Variants in IL11RA observed in about 807,000 individuals in gnomAD.
The protein encoded by IL11RA is interleukin-11 receptor subunit alpha.
In IL11RA, 51 loss-of-function variants were observed where a neutral mutation model predicts 57.0. The observed-to-expected ratio is 0.89, with a 90% CI of 0.71 to 1.13. The LOEUF (loss-of-function observed/expected upper bound fraction) is 1.13, where lower values mean the gene tolerates loss of function less well. Among genes scored for constraint, IL11RA ranks in the 50% most tolerant of loss-of-function variants. The pLI is 0.00. For missense variants in IL11RA, 498 were observed against 539.4 expected (o/e 0.92, Z 0.76); for synonymous variants, 199 against 217.5 (o/e 0.91, Z 0.75).
At position 34,658,369 on chromosome 9, in the gene IL11RA, G is replaced by C; in HGVS notation, c.647-151G>C. The stretch of plus-strand genomic sequence containing the variant: ...AGCCCATTTCATAATACAGATGACC[G>C]GTCTGAGTCTAATGGATGATCAAGT... On this transcript the variant is annotated intron_variant, in intron 7 of 12. Coordinates refer to ENST00000441545, the MANE Select transcript of IL11RA (RefSeq NM_001142784.3). This position sits in a 1 kb window ranked among gnomAD's most constrained non-coding sequence, Gnocchi z 4.0. 1.2e-6 allele frequency: 1 copy of C among 805,188 alleles called. No homozygotes were observed. The highest frequency in any genetic ancestry group is 1.4e-5 in the South Asian group (1 of 69,134). The allele number at this position is 805,188 out of a possible 1,614,324, so 49.9% of individuals were successfully genotyped here.
At chr9:34,656,323 G>T (rs1821342928) in intron 3 of IL11RA, among the ~76,000 whole-genome samples, 1 of 152,186 alleles carries the variant, frequency 6.6e-6, no homozygotes. Context: ...GAGCCACCGT[G>T]CCTGGCCCGT....
intron 9 of IL11RA, 93 bp downstream of exon 9, chr9:34,659,993 C>G (rs1821421904): frequency 5.4e-6 from 8 of 1,486,228 alleles, no homozygotes; most frequent in Non-Finnish European, 4.6e-6. Flanking sequence ...TGGCACATGC[C>G]CTGCCCACAC....
chr9:34,657,317 T>C lies in IL11RA; in HGVS notation c.461T>C (p.Leu154Pro). ...CTCCCCACCAGGAAGAAGACAGTCC[T>C]AGGAGCTGATAGCCAGAGGTAGGAC... ...YLTSYRKKTV[L>P]GADSQRRSPS... The change falls in exon 6 of 13, where the codon CTA becomes CCA. Residue 154 changes from leucine (L) to proline (P), a missense_variant. By Grantham distance (98) the Leu-to-Pro change is moderately conservative. Transcript: ENST00000441545. 6.2e-7 allele frequency: 1 copy of C among 1,614,056 alleles called. No individual in the cohort carries two copies. The highest frequency in any genetic ancestry group is 8.5e-7 in the Non-Finnish European group (1 of 1,179,974).
At chr9:34,660,691 C>T in intron 11 of IL11RA, 91 bp downstream of exon 11, 1 of 1,264,050 alleles carries the variant, frequency 7.9e-7, no homozygotes, top group South Asian at 1.2e-5. Context: ...TCATGACTGC[C>T]CGCTGAACCT....
At chr9:34,654,686 G>A (rs1457509093) in intron 1 of IL11RA, among the ~76,000 whole-genome samples, 1 of 152,192 alleles carries the variant, frequency 6.6e-6, no homozygotes, top group Admixed American at 6.5e-5. Context: ...GCAGGGGTGG[G>A]CCTCAGGGTG....
chr9:34,660,712 G>T, intron 11 of IL11RA, 112 bp downstream of exon 11: 1 of 1,199,376 alleles, frequency 8.3e-7, no homozygotes, highest in South Asian at 1.2e-5. Context: ...GTCTGATTCT[G>T]GAACTACCTC....
chr9:34,655,423 C>T, intron 2 of IL11RA, 106 bp downstream of exon 2: 3 of 866,068 alleles, frequency 3.5e-6, no homozygotes, highest in South Asian at 1.4e-5. Flanking sequence ...CTGCTCCTGT[C>T]ATCCAACCTG....
Position 34,658,445 on chromosome 9 carries a change from CA to C in IL11RA, c.647-74del. 1 of 1,481,340 alleles carries C rather than the reference CA, an allele frequency of 6.8e-7. No individual in the cohort carries two copies. 91.8% of individuals were successfully genotyped at this position (1,481,340 alleles called of 1,614,324 possible). A position where few individuals can be genotyped will look rare whatever the true frequency, so the allele number is the denominator to read the frequency against. ...AGTGTCTGGCTAAGGCTCCTTTAAA[CA>C]CACACTTTGGGAAGTGGTGGGGAAG... is the stretch of plus-strand genomic sequence containing the variant. On this transcript the variant is annotated intron_variant, in intron 7 of 12. Transcript: ENST00000441545. This position sits in a 1 kb window ranked among gnomAD's most constrained non-coding sequence, Gnocchi z 4.0.
intron 2 of IL11RA, 38 bp downstream of exon 2, chr9:34,655,355 C>G: frequency 2.4e-6 from 3 of 1,253,780 alleles, no homozygotes; most frequent in Middle Eastern, 4.0e-4. Context: ...CCAACTCTGA[C>G]TTGTGACTTG....
chr9:34,657,142 T>A lies in IL11RA; in HGVS notation c.439T>A (p.Ser147Thr), dbSNP rs1445011984. Residue 147 changes from serine to threonine, a missense_variant, in exon 5 of 13, where the codon TCC becomes ACC. By Grantham distance (58) the Ser-to-Thr change is moderately conservative. Transcript: ENST00000441545. ...CGGTTTACCCACCCGCTACCTCACC[T>A]CCTACAGGTGTGTGTGTGATTGGGT... is the stretch of plus-strand genomic sequence containing the variant. ...ISGLPTRYLT[S>T]YRKKTVLGAD... 106 of 1,613,294 alleles carry A rather than the reference T, an allele frequency of 6.6e-5. No individual in the cohort carries two copies. Among genetic ancestry groups the A allele is most frequent in the Non-Finnish European group, 9.0e-5 (106 of 1,179,364 alleles).
In IL11RA at chr9:34,658,794, A is replaced by C; in HGVS notation, c.810+111A>C. On this transcript the variant is annotated intron_variant, in intron 8 of 12. Transcript: ENST00000441545. The surrounding 1 kb of genome is among the most constrained non-coding windows in gnomAD (Gnocchi z 4.0). Reference sequence around the variant, plus strand: ...GCTGGCAGGTCACTGAAGACCCAACACTTCCCTGTGGGCCAGGCTTTGTAC... The same window carrying C: ...GCTGGCAGGTCACTGAAGACCCAACCCTTCCCTGTGGGCCAGGCTTTGTAC... The C allele has an allele frequency of 8.2e-7, 1 of 1,226,058 alleles. No homozygotes were observed. Among genetic ancestry groups the C allele is most frequent in the Non-Finnish European group, 1.2e-6 (1 of 850,660 alleles). 75.9% of individuals were successfully genotyped at this position (1,226,058 alleles called of 1,614,324 possible). A position where few individuals can be genotyped will look rare whatever the true frequency, so the allele number is the denominator to read the frequency against.
Position 34,660,518 on chromosome 9 carries a change from G to T in IL11RA, c.1087G>T (p.Val363Leu). 1 of 1,614,188 alleles carries T rather than the reference G, an allele frequency of 6.2e-7. No individual in the cohort carries two copies. Among genetic ancestry groups the T allele is most frequent in the Non-Finnish European group, 8.5e-7 (1 of 1,179,984 alleles). The change falls in exon 11 of 13, where the codon GTG (valine) becomes TTG (leucine). Residue 363 changes from valine (V) to leucine (L), a missense_variant. Val to Leu is a conservative substitution (Grantham distance 32). Coordinates refer to ENST00000441545, the MANE Select transcript of IL11RA (RefSeq NM_001142784.3). ...CTCCCCCTCAGATCACAGGGACTCT[G>T]TGGAGCAGGTAGCTGTGCTGGCGTC... ...HPRLLDHRDSVEQVAVLASLG... is the reference protein window; with the variant it reads ...HPRLLDHRDSLEQVAVLASLG...
intron 3 of IL11RA, among the ~76,000 whole-genome samples, chr9:34,656,340 C>G (rs967665705): frequency 6.6e-6 from 1 of 152,098 alleles, no homozygotes; most frequent in African/African-American, 2.4e-5. Flanking sequence ...CCGTGGTTAC[C>G]TTTTAATTGG....
chr9:34,656,902 C>T lies in IL11RA; in HGVS notation c.325C>T (p.Leu109=). 6.2e-7 allele frequency: 1 copy of T among 1,614,080 alleles called. No homozygotes were observed. Among genetic ancestry groups the T allele is most frequent in the Non-Finnish European group, 8.5e-7 (1 of 1,179,978 alleles). Residue 109 remains leucine, a synonymous_variant, in exon 4 of 13, where the codon CTG becomes TTG. Coordinates refer to ENST00000441545, the MANE Select transcript of IL11RA (RefSeq NM_001142784.3). ...ACTTGGGGGCACAGTGACCCTGCAGCTGGGCTGTGAGTTGGGGAGGGTGGC... is the reference window on the plus strand; with the variant it reads ...ACTTGGGGGCACAGTGACCCTGCAGTTGGGCTGTGAGTTGGGGAGGGTGGC... ...GALGGTVTLQ[L]GYPPARPVVS...
At position 34,660,986 on chromosome 9, in the gene IL11RA, T is replaced by C. The variant is rs1821446315; in HGVS notation, c.1252+50T>C. Reference sequence around the variant, plus strand: ...GGACTTGGAGATGTTTGCCCCTATTTTGAGTGTCCAGATTAAGAGCTGGCT... The same window carrying C: ...GGACTTGGAGATGTTTGCCCCTATTCTGAGTGTCCAGATTAAGAGCTGGCT... On this transcript the variant is annotated intron_variant, in intron 12 of 12. Transcript: ENST00000441545. The C allele has an allele frequency of 3.4e-6, 5 of 1,450,838 alleles. No individual in the cohort carries two copies. In the East Asian group the frequency reaches 9.1e-5, roughly 26 times the overall value. 89.9% of individuals were successfully genotyped at this position (1,450,838 alleles called of 1,614,324 possible).
chr9:34,660,146 G>C, intron 9 of IL11RA, 128 bp from the exon 10 acceptor site: 1 of 1,413,706 alleles, frequency 7.1e-7, no homozygotes, highest in Non-Finnish European at 1.0e-6. Flanking sequence ...CCTAGGAGCT[G>C]GCCATGCCCT....
At position 34,659,724 on chromosome 9, in the gene IL11RA, C is replaced by T. The variant is rs555831929; in HGVS notation, c.811-35C>T. On this transcript the variant is annotated intron_variant, in intron 8 of 12. Coordinates refer to ENST00000441545, the MANE Select transcript of IL11RA (RefSeq NM_001142784.3). ...GGTGGCTGGGAAGGCCCTGCACTTA[C>T]AAGCTGGGTAACAGTGAGTCATGTT... 13 of 1,613,854 alleles carry T rather than the reference C, an allele frequency of 8.1e-6. No homozygotes were observed. In the South Asian group the frequency reaches 1.3e-4, roughly 16 times the overall value.
At position 34,658,136 on chromosome 9, in the gene IL11RA, G is replaced by A. The variant is rs931500185; in HGVS notation, c.647-384G>A. ...GCTCACTGAAGCCTGCAACTCCTGGGCTCAAGCTATCCCCTCACCTCAGCC... is the reference window on the plus strand; with the variant it reads ...GCTCACTGAAGCCTGCAACTCCTGGACTCAAGCTATCCCCTCACCTCAGCC... On this transcript the variant is annotated intron_variant, in intron 7 of 12. Transcript: ENST00000441545. The surrounding 1 kb of genome is among the most constrained non-coding windows in gnomAD (Gnocchi z 4.0). Among the ~76,000 whole-genome samples the A allele has an allele frequency of 1.3e-5, 2 of 152,114 alleles. No homozygotes were observed. Among genetic ancestry groups the A allele is most frequent in the Non-Finnish European group, 2.9e-5 (2 of 68,018 alleles).
Position 34,660,543 on chromosome 9 carries a change from C to T in IL11RA, c.1112C>T (p.Ser371Phe). The T allele has an allele frequency of 6.2e-7, 1 of 1,614,202 alleles. No homozygotes were observed. The highest frequency in any genetic ancestry group is 8.5e-7 in the Non-Finnish European group (1 of 1,180,034). ...GTGGAGCAGGTAGCTGTGCTGGCGT[C>T]TTTGGGAATCCTTTCTTTCCTGGGA... The part of the protein sequence containing the change: ...DSVEQVAVLA[S>F]LGILSFLGLV... The change falls in exon 11 of 13, where the codon TCT (serine) becomes TTT (phenylalanine). Residue 371 changes from serine to phenylalanine, a missense_variant. Physicochemically the swap from Ser to Phe is radical, Grantham distance 155 (BLOSUM62 -2). Coordinates refer to ENST00000441545, the MANE Select transcript of IL11RA (RefSeq NM_001142784.3).
Sources: gnomAD v4.1 joint callset for allele counts (sites outside exome capture counted in the v4.1 genomes callset) on GRCh38, gnomAD v4.1.1 for gene constraint, Gnocchi (gnomAD v3.1) non-coding constraint, MANE v1.5 for transcripts, NCBI Gene and HGNC (gene_info 2026-07-23, HGNC 2026-07-21) for gene names.